The following MARK2 variants were observed in gnomAD, a reference collection of about 807,000 sequenced individuals.
The protein encoded by MARK2 is microtubule affinity regulating kinase 2.
Under a neutral mutation model 89.8 loss-of-function variants are expected in MARK2, and 16 were observed. The ratio of observed to expected loss-of-function variants is 0.18; its 90% CI spans 0.12 to 0.27. The LOEUF is 0.27. MARK2 is among the 10% of genes least tolerant of loss of function. The pLI is 1.00. For missense variants in MARK2, 621 were observed against 1,049.9 expected, an observed-to-expected ratio of 0.59 and a Z score of 5.65; for synonymous variants, 382 against 399.5, an observed-to-expected ratio of 0.96 and a Z score of 0.52.
intron 1 of MARK2, among the ~76,000 whole-genome samples, chr11:63,890,945 A>ATGTC: frequency 6.6e-6 from 1 of 152,298 alleles, no homozygotes; most frequent in East Asian, 1.9e-4. Flanking sequence ...CCTGGCACAG[A>ATGTC]TGTCTGGCAG....
chr11:63,842,506 T>C (rs1290626835), intron 1 of MARK2, among the ~76,000 whole-genome samples: 2 of 152,104 alleles, frequency 1.3e-5, no homozygotes, highest in African/African-American at 2.4e-5. Flanking sequence ...GCGCCGGGCC[T>C]GATTCCTGTA....
Position 63,906,130 on chromosome 11 carries a change from G to GCT in MARK2, c.1961+17_1961+18dup, listed in dbSNP as rs2134230062. ...TTGCCAGAAGGTAGGCGTTGAGCCC[G>GCT]CTGTGTGTGTGTGTGTGTGTGTGTG... On this transcript the variant is annotated intron_variant, in intron 17 of 18. Transcript: ENST00000402010. The GCT allele has an allele frequency of 8.1e-7, 1 of 1,232,112 alleles. No individual in the cohort carries two copies. The allele number at this position is 1,232,112 out of a possible 1,614,324, so 76.3% of individuals were successfully genotyped here.
chr11:63,910,781 CACACTCCT>C lies in MARK2; in HGVS notation c.*1547_*1554del, dbSNP rs1941710827. Reference sequence around the variant, plus strand: ...CTTGCCAACCTCAGCCCTCCTGCCCCACACTCCTACTGCGGCTCAGACCAAGGGCTCCC... The same window carrying C: ...CTTGCCAACCTCAGCCCTCCTGCCCCACTGCGGCTCAGACCAAGGGCTCCC... On this transcript the variant is annotated 3_prime_UTR_variant, in exon 19 of 19. Transcript: ENST00000402010. 6.6e-6 allele frequency: 1 copy of C among 152,266 alleles called. No individual in the cohort carries two copies. The highest frequency in any genetic ancestry group is 1.5e-5 in the Non-Finnish European group (1 of 68,088). The allele number at this position is 152,266 out of a possible 1,614,324, so 9.4% of individuals were successfully genotyped here. A position where few individuals can be genotyped will look rare whatever the true frequency, so the allele number is the denominator to read the frequency against.
At chr11:63,888,532 T>C (rs1219558652) in intron 1 of MARK2, 2 of 1,020,950 alleles carry the variant, frequency 2.0e-6, no homozygotes, top group East Asian at 1.0e-4. Flanking sequence ...TAAACCCGCC[T>C]CTTTCTCTGT....
At chr11:63,844,758 A>G (rs1436404779) in intron 1 of MARK2, among the ~76,000 whole-genome samples, 4 of 152,200 alleles carry the variant, frequency 2.6e-5, no homozygotes, top group Non-Finnish European at 5.9e-5. Flanking sequence ...AGAACTTCTC[A>G]GACTAGATTG....
chr11:63,890,261 G>A (rs763123215), intron 1 of MARK2: 141 of 1,345,286 alleles, frequency 1.0e-4, no homozygotes, highest in South Asian at 2.7e-4. Flanking sequence ...CCTGCTGTGG[G>A]AAACATCTTA....
intron 1 of MARK2, among the ~76,000 whole-genome samples, chr11:63,862,067 G>A (rs1937834548): frequency 6.6e-6 from 1 of 152,078 alleles, no homozygotes; most frequent in Non-Finnish European, 1.5e-5. Context: ...GGGATTGCAG[G>A]TATCCGCCAC....
rs185737776 is a variant in MARK2 at position 63,847,954 on chromosome 11, A to G, written c.54+8394A>G. Among the ~76,000 whole-genome samples, 545 of 152,256 alleles carry G rather than the reference A, an allele frequency of 3.6e-3. 2 individuals carry two copies. The highest frequency in any genetic ancestry group is 6.1e-3 in the Non-Finnish European group (418 of 68,014). ...TCCCAGGCCTTTTTTCGTCCACGCA[A>G]TGGGACTGTCTGTCCAGGCCTGCTG... On this transcript the variant is annotated intron_variant, in intron 1 of 18. Transcript: ENST00000402010.
chr11:63,877,704 G>T (rs1309674865), intron 1 of MARK2, among the ~76,000 whole-genome samples: 1 of 152,030 alleles, frequency 6.6e-6, no homozygotes, highest in Non-Finnish European at 1.5e-5. Flanking sequence ...CAAAAAAAAA[G>T]TGCTTTTTAA....
chr11:63,848,702 C>T (rs2016406177), intron 1 of MARK2, among the ~76,000 whole-genome samples: 1 of 151,986 alleles, frequency 6.6e-6, no homozygotes, highest in Admixed American at 6.6e-5. Flanking sequence ...AGGCGCCCAC[C>T]ACCATGCCCA....
intron 1 of MARK2, chr11:63,890,169 G>A: frequency 1.7e-6 from 2 of 1,193,690 alleles, no homozygotes; most frequent in East Asian, 4.9e-5. Context: ...AAGCATTTCT[G>A]TTGGAGACTC....
rs924036657 is a variant in MARK2 at position 63,909,289 on chromosome 11, G to T, written c.*52G>T. Reference sequence around the variant, plus strand: ...GGGCGGGCCAGCTGGACGGGCTGCCGGCCGCTGCGCCGCCCCACCTGGGCG... The same window carrying T: ...GGGCGGGCCAGCTGGACGGGCTGCCTGCCGCTGCGCCGCCCCACCTGGGCG... On this transcript the variant is annotated 3_prime_UTR_variant, in exon 19 of 19. Coordinates refer to ENST00000402010, the MANE Select transcript of MARK2 (RefSeq NM_001039469.3). 2 of 1,488,478 alleles carry T rather than the reference G, an allele frequency of 1.3e-6. No individual in the cohort carries two copies. The highest frequency in any genetic ancestry group is 1.8e-6 in the Non-Finnish European group (2 of 1,115,736). 92.2% of individuals were successfully genotyped at this position (1,488,478 alleles called of 1,614,324 possible).
At chr11:63,852,386 A>C (rs1272146691) in intron 1 of MARK2, among the ~76,000 whole-genome samples, 1 of 152,240 alleles carries the variant, frequency 6.6e-6, no homozygotes, top group Non-Finnish European at 1.5e-5. Context: ...GAGAAAATAT[A>C]AGAAGTAAGT....
chr11:63,904,759 C>T lies in MARK2; in HGVS notation c.1677-27C>T. The T allele has an allele frequency of 6.2e-7, 1 of 1,607,224 alleles. No individual in the cohort carries two copies. Among genetic ancestry groups the T allele is most frequent in the Non-Finnish European group, 8.5e-7 (1 of 1,174,726 alleles). On this transcript the variant is annotated intron_variant, in intron 15 of 18. Transcript: ENST00000402010. This position sits in a 1 kb window ranked among gnomAD's most constrained non-coding sequence, Gnocchi z 6.3. ...GGCTGTCCTGTACCCTAATTCGTCC[C>T]CCTCAACCCCACTTCTCTTCCCACA...
rs1342755181 is a variant in MARK2, at chr11:63,902,040, C to G, written c.1102-158C>G. ...GTCAGAGCATGTGTGTCTCCAGGGTCTCCTCCAGGGGGGATGTATTGGTCT... is the reference window on the plus strand; with the variant it reads ...GTCAGAGCATGTGTGTCTCCAGGGTGTCCTCCAGGGGGGATGTATTGGTCT... On this transcript the variant is annotated intron_variant, in intron 11 of 18. Coordinates refer to ENST00000402010, the MANE Select transcript of MARK2 (RefSeq NM_001039469.3). The surrounding 1 kb of genome is among the most constrained non-coding windows in gnomAD (Gnocchi z 4.2). Among the ~76,000 whole-genome samples the G allele has an allele frequency of 6.6e-6, 1 of 152,068 alleles. No individual in the cohort carries two copies. Among genetic ancestry groups the G allele is most frequent in the African/African-American group, 2.4e-5 (1 of 41,390 alleles).
chr11:63,845,119 A>G (rs1347975991), intron 1 of MARK2, among the ~76,000 whole-genome samples: 1 of 152,140 alleles, frequency 6.6e-6, no homozygotes, highest in African/African-American at 2.4e-5. Context: ...GGAAAGGGTG[A>G]GGAGGGTGGT....
intron 1 of MARK2, among the ~76,000 whole-genome samples, chr11:63,873,584 G>A (rs1938575119): frequency 1.3e-5 from 2 of 152,216 alleles, no homozygotes; most frequent in Admixed American, 1.3e-4. Flanking sequence ...TAAGACTTGA[G>A]AGCCTGAGGC....
Position 63,900,769 on chromosome 11 carries a change from G to T in MARK2, c.889-11G>T, listed in dbSNP as rs1251730721. The T allele has an allele frequency of 6.2e-7, 1 of 1,614,050 alleles. No individual in the cohort carries two copies. ...CTTCCCCCTGCCCTTTTCCTTCTCT[G>T]TGCTCCCCAGCAAATCATGAAAGAT... On this transcript the variant is annotated splice_polypyrimidine_tract_variant and intron_variant, in intron 9 of 18. Transcript: ENST00000402010. This position sits in a 1 kb window ranked among gnomAD's most constrained non-coding sequence, Gnocchi z 4.7.
intron 1 of MARK2, among the ~76,000 whole-genome samples, chr11:63,866,919 AG>A (rs1407723364): frequency 2.0e-5 from 3 of 152,190 alleles, no homozygotes; most frequent in African/African-American, 7.2e-5. Flanking sequence ...CTGTCTGTCT[AG>A]AGAATTTTGT....
Sources: gnomAD v4.1 joint callset for allele counts (sites outside exome capture counted in the v4.1 genomes callset) on GRCh38, gnomAD v4.1.1 for gene constraint, Gnocchi (gnomAD v3.1) non-coding constraint, MANE v1.5 for transcripts, NCBI Gene and HGNC (gene_info 2026-07-23, HGNC 2026-07-21) for gene names.